Variants in SNTG1 observed in about 807,000 individuals in gnomAD.
SNTG1 encodes syntrophin gamma 1.
A neutral mutation model predicts 74.7 loss-of-function variants in SNTG1; 39 were observed. The ratio of observed to expected loss-of-function variants is 0.52; its 90% CI spans 0.40 to 0.68. The LOEUF is 0.68. Ranked by LOEUF, SNTG1 falls within the 30% of genes least tolerant of loss-of-function variation. The pLI, the probability that SNTG1 is intolerant of heterozygous loss-of-function variation, is 0.00. For missense variants in SNTG1, 685 were observed against 609.5 expected (o/e 1.12, Z -1.30); for synonymous variants, 254 against 217.1 (o/e 1.17, Z -1.49).
At chr8:50,139,141 C>A (rs1264211930) in intron 1 of SNTG1, among the ~76,000 whole-genome samples, 1 of 152,020 alleles carries the variant, frequency 6.6e-6, no homozygotes, top group Non-Finnish European at 1.5e-5. Context: ...TTGTGTATAT[C>A]TGTGGGTATT....
chr8:50,728,555 A>G (rs1563786917), intron 17 of SNTG1, among the ~76,000 whole-genome samples: 1 of 152,210 alleles, frequency 6.6e-6, no homozygotes, highest in Non-Finnish European at 1.5e-5. Flanking sequence ...TGATTGATTT[A>G]GCCACATTGG....
At chr8:50,167,202 G>A (rs1227673354) in intron 1 of SNTG1, among the ~76,000 whole-genome samples, 3 of 146,194 alleles carry the variant, frequency 2.1e-5, no homozygotes, top group African/African-American at 5.2e-5. Flanking sequence ...CAGCACACCA[G>A]CATGGCACAT....
intron 11 of SNTG1, among the ~76,000 whole-genome samples, chr8:50,551,027 T>TAA (rs1331009460): frequency 6.6e-6 from 1 of 152,078 alleles, no homozygotes; most frequent in African/African-American, 2.4e-5. Context: ...ATCCAGGTAT[T>TAA]AAAGTATTTA....
intron 2 of SNTG1, among the ~76,000 whole-genome samples, chr8:50,289,147 G>T (rs1394524299): frequency 6.6e-6 from 1 of 152,096 alleles, no homozygotes; most frequent in East Asian, 1.9e-4. Flanking sequence ...AGCCTGGGTA[G>T]AAGACTACTA....
At chr8:50,035,278 C>T (rs151002691) in intron 1 of SNTG1, among the ~76,000 whole-genome samples, 43 of 152,238 alleles carry the variant, frequency 2.8e-4, no homozygotes, top group African/African-American at 1.0e-3. Flanking sequence ...TCCATGTCTG[C>T]ACTTATCTGC....
chr8:50,468,293 T>C (rs1052408323), intron 8 of SNTG1, among the ~76,000 whole-genome samples: 9 of 152,072 alleles, frequency 5.9e-5, no homozygotes, highest in African/African-American at 1.7e-4. Flanking sequence ...TTGCCACACA[T>C]ATAATAACAT....
intron 17 of SNTG1, among the ~76,000 whole-genome samples, chr8:50,741,925 A>T (rs1433821994): frequency 1.3e-5 from 2 of 151,988 alleles, no homozygotes; most frequent in Non-Finnish European, 2.9e-5. Flanking sequence ...ACTCTGCAAG[A>T]CACTGTAATG....
At chr8:50,777,491 G>A (rs1324661372) in intron 18 of SNTG1, among the ~76,000 whole-genome samples, 2 of 150,590 alleles carry the variant, frequency 1.3e-5, no homozygotes, top group South Asian at 2.1e-4. Flanking sequence ...TCTTCCTAGG[G>A]TTTCTGTTTC....
At chr8:50,706,343 G>T (rs1342692347) in intron 16 of SNTG1, among the ~76,000 whole-genome samples, 1 of 152,028 alleles carries the variant, frequency 6.6e-6, no homozygotes, top group Non-Finnish European at 1.5e-5. Context: ...ACCATTTAAA[G>T]CATTAAAATA....
At chr8:50,332,836 G>A (rs1269488846) in intron 2 of SNTG1, among the ~76,000 whole-genome samples, 1 of 152,164 alleles carries the variant, frequency 6.6e-6, no homozygotes, top group African/African-American at 2.4e-5. Context: ...AATGTCACCA[G>A]GAGAGAGCTC....
intron 13 of SNTG1, among the ~76,000 whole-genome samples, chr8:50,628,426 T>C (rs1034040430): frequency 2.6e-5 from 4 of 152,312 alleles, no homozygotes; most frequent in Admixed American, 6.5e-5. Context: ...TGTTTCCTGT[T>C]AATTGTTCTG....
intron 2 of SNTG1, among the ~76,000 whole-genome samples, chr8:50,178,813 C>T (rs1298117828): frequency 6.6e-6 from 1 of 152,306 alleles, no homozygotes; most frequent in Admixed American, 6.5e-5. Context: ...AAAAGACACA[C>T]TTTCCCTTAC....
At chr8:50,475,497 C>T (rs1344413383) in intron 8 of SNTG1, among the ~76,000 whole-genome samples, 2 of 152,114 alleles carry the variant, frequency 1.3e-5, no homozygotes, top group African/African-American at 4.8e-5. Flanking sequence ...TCCTGAATGG[C>T]AATGCTGAAA....
chr8:50,333,263 G>C (rs1333501592), intron 2 of SNTG1, among the ~76,000 whole-genome samples: 3 of 152,118 alleles, frequency 2.0e-5, no homozygotes. Flanking sequence ...CTACCTCACA[G>C]GTTTGCCATA....
At chr8:50,758,509 C>A (rs1006249957) in intron 18 of SNTG1, among the ~76,000 whole-genome samples, 1 of 151,876 alleles carries the variant, frequency 6.6e-6, no homozygotes, top group Non-Finnish European at 1.5e-5. Flanking sequence ...TGTGTGTTGT[C>A]TCCTTCCCTG....
chr8:50,067,923 C>A (rs893271410), intron 1 of SNTG1, among the ~76,000 whole-genome samples: 1 of 152,150 alleles, frequency 6.6e-6, no homozygotes, highest in Non-Finnish European at 1.5e-5. Context: ...ATCTTTCATG[C>A]AAATTCAGAT....
chr8:50,420,203 G>T (rs77794560), intron 4 of SNTG1, among the ~76,000 whole-genome samples: 8,711 of 152,140 alleles, frequency 0.057, 293 homozygotes, highest in Middle Eastern at 0.12. Context: ...AAAGCATAAA[G>T]TCAAACAAAT....
chr8:50,021,815 C>A (rs1424208162), intron 1 of SNTG1, among the ~76,000 whole-genome samples: 1 of 151,654 alleles, frequency 6.6e-6, no homozygotes, highest in East Asian at 2.0e-4. Context: ...GTGGCTTGTG[C>A]TTGTAGCCCC....
intron 18 of SNTG1, among the ~76,000 whole-genome samples, chr8:50,766,795 A>G (rs1376787893): frequency 6.6e-6 from 1 of 151,950 alleles, no homozygotes; most frequent in Non-Finnish European, 1.5e-5. Context: ...TTCCAACAGT[A>G]TGATAAGTAA....
Sources: gnomAD v4.1 joint callset for allele counts (sites outside exome capture counted in the v4.1 genomes callset) on GRCh38, gnomAD v4.1.1 for gene constraint, MANE v1.5 for transcripts, NCBI Gene and HGNC (gene_info 2026-07-23, HGNC 2026-07-21) for gene names.